The following WNK1 variants were observed in gnomAD, a reference collection of about 807,000 sequenced individuals.
The protein encoded by WNK1 is serine/threonine-protein kinase WNK1.
WNK1 carries 38 observed loss-of-function variants against 222.8 expected under a neutral mutation model. That is an observed-to-expected ratio of 0.17 (90% CI 0.13 to 0.22). The LOEUF is 0.22. WNK1 is among the 10% of genes least tolerant of loss of function. The pLI, the probability that WNK1 is intolerant of heterozygous loss-of-function variation, is 1.00. For missense variants in WNK1, 2,348 were observed against 2,918.4 expected (o/e 0.80, Z 4.50); for synonymous variants, 1,090 against 1,092.9 (o/e 1.00, Z 0.05).
At position 896,708 on chromosome 12, in the gene WNK1, T is replaced by TTTTTTTTTC; in HGVS notation, c.6221_6222insTTTTTTTTC (p.Leu2074delinsPhePhePheSer). 1 of 1,608,396 alleles carries TTTTTTTTTC rather than the reference T, an allele frequency of 6.2e-7. No homozygotes were observed. On this transcript the variant is annotated protein_altering_variant, in exon 24 of 28. Transcript: ENST00000315939. ...GATATCGAAGATGAAGACTTAAAGT[T>TTTTTTTTTC]AGAGCTGCGACGACTACGAGATAAG...
At chr12:888,480 A>G (rs1024570998) in intron 20 of WNK1, among the ~76,000 whole-genome samples, 1 of 152,230 alleles carries the variant, frequency 6.6e-6, no homozygotes, top group Non-Finnish European at 1.5e-5. Flanking sequence ...TAGTGCCTAG[A>G]TAGAGGGAAA....
intron 27 of WNK1, 172 bp from the exon 28 acceptor site, chr12:908,303 C>T (rs1274807664): frequency 1.7e-5 from 13 of 785,592 alleles, no homozygotes; most frequent in South Asian, 5.0e-5. Flanking sequence ...TGACATCCCT[C>T]CCTCTCATGA....
chr12:836,216 A>G (rs1425834520), intron 4 of WNK1, among the ~76,000 whole-genome samples: 4 of 152,222 alleles, frequency 2.6e-5, no homozygotes, highest in African/African-American at 7.2e-5. Context: ...GGATCAAAGT[A>G]GATTTGTAGA....
chr12:854,166 A>G (rs1271335039), intron 4 of WNK1, among the ~76,000 whole-genome samples: 1 of 151,788 alleles, frequency 6.6e-6, no homozygotes, highest in Admixed American at 6.6e-5. Context: ...CCAGCAGTTC[A>G]AGATTAGCCT....
At chr12:826,207 A>T (rs999171138) in intron 2 of WNK1, among the ~76,000 whole-genome samples, 5 of 152,248 alleles carry the variant, frequency 3.3e-5, no homozygotes, top group Non-Finnish European at 7.3e-5. Context: ...CATTTGCCTC[A>T]TGTGGCTGTT....
intron 22 of WNK1, among the ~76,000 whole-genome samples, chr12:893,871 C>G (rs561829959): frequency 8.4e-6 from 1 of 118,654 alleles, no homozygotes; most frequent in Non-Finnish European, 1.9e-5. Flanking sequence ...CTATCCTATT[C>G]TAGAATTTGC....
At chr12:837,870 A>G (rs554857349) in intron 4 of WNK1, among the ~76,000 whole-genome samples, 15 of 152,216 alleles carry the variant, frequency 9.9e-5, no homozygotes, top group Non-Finnish European at 2.2e-4. Context: ...TCACTTTTCT[A>G]TACAAACATT....
At chr12:800,648 A>G (rs1945780555) in intron 1 of WNK1, among the ~76,000 whole-genome samples, 1 of 152,152 alleles carries the variant, frequency 6.6e-6, no homozygotes, top group African/African-American at 2.4e-5. Flanking sequence ...CCATTAGGCA[A>G]ACTCTGTATT....
chr12:852,079 T>C (rs1950460707), intron 4 of WNK1, among the ~76,000 whole-genome samples: 1 of 152,220 alleles, frequency 6.6e-6, no homozygotes, highest in Admixed American at 6.5e-5. Context: ...AAGAAGCAAG[T>C]GCTGGCAATT....
At chr12:805,252 G>T (rs1374371418) in intron 1 of WNK1, among the ~76,000 whole-genome samples, 2 of 152,102 alleles carry the variant, frequency 1.3e-5, no homozygotes, top group Non-Finnish European at 2.9e-5. Flanking sequence ...AGTGCACGAG[G>T]ATTTCACTTT....
At chr12:852,796 T>C (rs1408730097) in intron 4 of WNK1, among the ~76,000 whole-genome samples, 1 of 152,210 alleles carries the variant, frequency 6.6e-6, no homozygotes, top group Non-Finnish European at 1.5e-5. Flanking sequence ...TTAAAAACTG[T>C]AACTTTGTAT....
intron 9 of WNK1, among the ~76,000 whole-genome samples, chr12:875,654 A>G (rs1952542639): frequency 6.6e-6 from 1 of 152,200 alleles, no homozygotes; most frequent in African/African-American, 2.4e-5. Context: ...TTTTATTTTA[A>G]TGTTATGTAA....
intron 1 of WNK1, among the ~76,000 whole-genome samples, chr12:794,932 T>C (rs184175116): frequency 6.6e-6 from 1 of 151,958 alleles, no homozygotes; most frequent in South Asian, 2.1e-4. Context: ...TTTTAAAAAA[T>C]TGTGTAGAGA....
chr12:901,090 T>G, intron 26 of WNK1: 1 of 297,656 alleles, frequency 3.4e-6, no homozygotes, highest in East Asian at 8.4e-5. Context: ...AACCTTACAA[T>G]TCAGTTTTTT....
intron 1 of WNK1, among the ~76,000 whole-genome samples, chr12:772,266 T>C (rs1298346713): frequency 2.0e-5 from 3 of 152,210 alleles, no homozygotes; most frequent in Non-Finnish European, 4.4e-5. Context: ...TTGAACTCTG[T>C]TTTTATAGTT....
intron 14 of WNK1, 115 bp downstream of exon 14, chr12:882,188 T>C (rs1953222464): frequency 8.0e-7 from 1 of 1,249,318 alleles, no homozygotes; most frequent in Admixed American, 2.4e-5. Context: ...TAACTATCTG[T>C]GTGTGACAGA....
At chr12:906,463 C>T (rs1565621033) in intron 26 of WNK1, 1 of 985,338 alleles carries the variant, frequency 1.0e-6, no homozygotes, top group Non-Finnish European at 1.2e-6. Context: ...GTCGCTTCTA[C>T]ATGGGAGTGC....
In WNK1 at chr12:878,316, G is replaced by A. The variant is rs1012729; in HGVS notation, c.2328G>A (p.Gln776=). The A allele has an allele frequency of 0.74, 1,190,619 of 1,613,584 alleles. 441,418 individuals carry two copies. Among genetic ancestry groups the A allele is most frequent in the East Asian group, 0.79 (35,495 of 44,868 alleles). ...SEATTAQPVS[Q]PQAPQVLPQV... ...CCACTACTGCACAGCCAGTGAGTCA[G>A]CCTCAAGCTCCACAAGTCTTGCCTC... is the stretch of plus-strand genomic sequence containing the variant. The change falls in exon 10 of 28, where the codon CAG becomes CAA. Residue 776 remains glutamine, a synonymous_variant. Transcript: ENST00000315939.
chr12:789,620 A>G (rs369598007), intron 1 of WNK1, among the ~76,000 whole-genome samples: 7 of 150,706 alleles, frequency 4.6e-5, no homozygotes, highest in African/African-American at 1.7e-4. Flanking sequence ...GCAGCCTCAA[A>G]CTCCTGGGCT....
Sources: allele counts gnomAD v4.1 joint callset (sites outside exome capture counted in the v4.1 genomes callset), GRCh38; gene constraint gnomAD v4.1.1; transcripts MANE v1.5; gene names NCBI Gene and HGNC (gene_info 2026-07-23, HGNC 2026-07-21).